TAB2: variants seen among roughly 807,000 people sequenced by gnomAD.
TAB2 encodes TGF-beta activated kinase 1 (MAP3K7) binding protein 2, also known as TGF-beta-activated kinase 1 and MAP3K7-binding protein 2.
TAB2 carries 3 observed loss-of-function variants against 65.0 expected under a neutral mutation model. The observed-to-expected ratio is 0.05, with a 90% CI of 0.02 to 0.12. TAB2 has a LOEUF of 0.12. Among genes scored for constraint, TAB2 ranks in the 10% least tolerant of loss-of-function variants. The probability of loss-of-function intolerance (pLI) is 1.00; values close to 1 mark genes in which losing one functional copy is unlikely to be tolerated. For synonymous variants in TAB2, 298 were observed against 285.1 expected, an observed-to-expected ratio of 1.05 and a Z score of -0.46; for missense variants, 623 against 840.3, an observed-to-expected ratio of 0.74 and a Z score of 3.20.
intron 1 of TAB2, among the ~76,000 whole-genome samples, chr6:149,367,962 A>G (rs1322229720): frequency 6.6e-6 from 1 of 152,168 alleles, no homozygotes; most frequent in Admixed American, 6.5e-5. Flanking sequence ...GTTAGTCTCA[A>G]GGAAGAGATT....
chr6:149,266,356 C>T (rs1441892549), intron 1 of TAB2, among the ~76,000 whole-genome samples: 1 of 152,186 alleles, frequency 6.6e-6, no homozygotes, highest in Non-Finnish European at 1.5e-5. Flanking sequence ...TTCTGGTCCA[C>T]TTGGCAGACT....
chr6:149,321,099 T>C (rs1340668452), intron 1 of TAB2: 3 of 152,234 alleles, frequency 2.0e-5, no homozygotes, highest in African/African-American at 7.2e-5. Context: ...TAGTGGTGGC[T>C]GCCAAGCACA....
At chr6:149,406,789 G>A (rs1451283632) in intron 6 of TAB2, among the ~76,000 whole-genome samples, 3 of 152,088 alleles carry the variant, frequency 2.0e-5, no homozygotes, top group African/African-American at 7.2e-5. Context: ...CGCAATCTCG[G>A]CTCACCACAA....
intron 6 of TAB2, among the ~76,000 whole-genome samples, chr6:149,399,906 G>A (rs771890383): frequency 1.3e-5 from 2 of 152,222 alleles, no homozygotes; most frequent in Non-Finnish European, 2.9e-5. Context: ...GTGTGGGAGG[G>A]TGGAGGTTGT....
chr6:149,338,024 A>T (rs1225639990), intron 1 of TAB2, among the ~76,000 whole-genome samples: 1 of 152,172 alleles, frequency 6.6e-6, no homozygotes, highest in Non-Finnish European at 1.5e-5. Flanking sequence ...ATAATATTAT[A>T]CAGGTCCACA....
intron 1 of TAB2, chr6:149,245,494 T>C (rs1777692686): frequency 1.3e-5 from 2 of 152,198 alleles, no homozygotes; most frequent in Admixed American, 6.5e-5. Flanking sequence ...TTTTGATATA[T>C]GATTTAAATT....
intron 3 of TAB2, among the ~76,000 whole-genome samples, chr6:149,381,388 C>T (rs939408003): frequency 2.6e-5 from 4 of 152,018 alleles, no homozygotes; most frequent in African/African-American, 9.7e-5. Flanking sequence ...CATCAGGTTT[C>T]CTATGGTTGG....
At chr6:149,406,566 CAAT>C (rs1782671306) in intron 6 of TAB2, among the ~76,000 whole-genome samples, 1 of 151,952 alleles carries the variant, frequency 6.6e-6, no homozygotes, top group African/African-American at 2.4e-5. Context: ...CTGTTTTTGT[CAAT>C]AAAGTTTTAT....
At chr6:149,299,432 C>T (rs554885085) in intron 1 of TAB2, among the ~76,000 whole-genome samples, 6 of 152,082 alleles carry the variant, frequency 3.9e-5, no homozygotes, top group South Asian at 2.1e-4. Context: ...ATTAGCCAGG[C>T]GTGGTGGTGC....
At chr6:149,306,814 G>T (rs572781877) in intron 1 of TAB2, among the ~76,000 whole-genome samples, 4 of 152,190 alleles carry the variant, frequency 2.6e-5, no homozygotes, top group Non-Finnish European at 5.9e-5. Context: ...GGGCAGGAAA[G>T]TTGTGGGTGG....
chr6:149,307,749 G>A (rs1453790763), intron 1 of TAB2, among the ~76,000 whole-genome samples: 1 of 152,104 alleles, frequency 6.6e-6, no homozygotes, highest in Non-Finnish European at 1.5e-5. Flanking sequence ...AAATATTTAA[G>A]GAACAATTTT....
intron 1 of TAB2, among the ~76,000 whole-genome samples, chr6:149,358,087 A>T (rs961007248): frequency 1.3e-5 from 2 of 152,180 alleles, no homozygotes; most frequent in African/African-American, 4.8e-5. Context: ...CTGCAAATTA[A>T]ATTAGATCTG....
intron 1 of TAB2, among the ~76,000 whole-genome samples, chr6:149,280,695 C>T (rs1461495390): frequency 2.0e-5 from 3 of 152,102 alleles, no homozygotes; most frequent in South Asian, 4.1e-4. Flanking sequence ...AATCCCAGCA[C>T]TTTGGGAGGC....
intron 1 of TAB2, among the ~76,000 whole-genome samples, chr6:149,300,911 G>A (rs775762413): frequency 2.0e-5 from 3 of 152,208 alleles, no homozygotes; most frequent in African/African-American, 2.4e-5. Context: ...CTACTCAAGC[G>A]TATTGGATTC....
At chr6:149,253,408 G>A (rs1777899777) in intron 1 of TAB2, among the ~76,000 whole-genome samples, 2 of 151,832 alleles carry the variant, frequency 1.3e-5, no homozygotes, top group Non-Finnish European at 2.9e-5. Flanking sequence ...ATCACTTGAG[G>A]TCAGGAGTTT....
At chr6:149,406,384 C>T (rs1386130149) in intron 6 of TAB2, among the ~76,000 whole-genome samples, 1 of 152,140 alleles carries the variant, frequency 6.6e-6, no homozygotes, top group Admixed American at 6.5e-5. Flanking sequence ...TTGAGAAATT[C>T]AGTGCCTTAC....
At chr6:149,253,280 A>G (rs1338317548) in intron 1 of TAB2, among the ~76,000 whole-genome samples, 1 of 152,260 alleles carries the variant, frequency 6.6e-6, no homozygotes, top group East Asian at 1.9e-4. Flanking sequence ...GTGATATGCC[A>G]AGATATACTC....
At chr6:149,313,116 C>A (rs962634926), upstream of TAB2, among the ~76,000 whole-genome samples, 6 of 151,850 alleles carry the variant, frequency 4.0e-5, no homozygotes, top group African/African-American at 1.5e-4. Flanking sequence ...TCAATCTTTG[C>A]CACCTAATAT....
intron 1 of TAB2, among the ~76,000 whole-genome samples, chr6:149,274,830 A>G (rs1449660803): frequency 6.6e-6 from 1 of 152,134 alleles, no homozygotes; most frequent in Non-Finnish European, 1.5e-5. Context: ...GCACAAGGTC[A>G]TAGAGCATTA....
Sources: allele counts gnomAD v4.1 joint callset (sites outside exome capture counted in the v4.1 genomes callset), GRCh38; gene constraint gnomAD v4.1.1; transcripts MANE v1.5; gene names NCBI Gene and HGNC (gene_info 2026-07-23, HGNC 2026-07-21).